Variants in TRIM14 observed in about 807,000 individuals in gnomAD.
The protein encoded by TRIM14 is tripartite motif-containing protein 14.
Under a neutral mutation model 44.5 loss-of-function variants are expected in TRIM14, and 28 were observed. That is an observed-to-expected ratio of 0.63 (90% confidence interval 0.47 to 0.86). The LOEUF is 0.86. Ranked by LOEUF, TRIM14 falls within the 40% of genes least tolerant of loss-of-function variation. TRIM14 has a pLI of 0.00. For missense variants in TRIM14, 607 were observed against 611.1 expected, an observed-to-expected ratio of 0.99 and a Z score of 0.07; for synonymous variants, 299 against 269.2, an observed-to-expected ratio of 1.11 and a Z score of -1.08.
At chr9:98,094,039 C>T (rs1325505447) in intron 4 of TRIM14, among the ~76,000 whole-genome samples, 2 of 152,156 alleles carry the variant, frequency 1.3e-5, no homozygotes, top group East Asian at 1.9e-4. Flanking sequence ...CCACCACGCC[C>T]GGCCTTTATT....
intron 6 of TRIM14, among the ~76,000 whole-genome samples, chr9:98,073,271 C>CTT (rs10606237): frequency 0.013 from 748 of 57,838 alleles, 129 homozygotes; most frequent in East Asian, 0.064. Flanking sequence ...TCACCATGGG[C>CTT]TTTTTTTTTT....
At chr9:98,104,247 T>C (rs1218796302) in intron 2 of TRIM14, among the ~76,000 whole-genome samples, 1 of 152,222 alleles carries the variant, frequency 6.6e-6, no homozygotes. Context: ...TAAAATGTAT[T>C]TCAAACTCTT....
intron 6 of TRIM14, chr9:98,076,024 G>C (rs898341910): frequency 6.6e-6 from 1 of 152,038 alleles, no homozygotes; most frequent in Non-Finnish European, 1.5e-5. Context: ...GCACTAAATA[G>C]GTAACCTCAA....
At chr9:98,098,463 G>A (rs1396270975) in intron 3 of TRIM14, among the ~76,000 whole-genome samples, 6 of 152,078 alleles carry the variant, frequency 3.9e-5, no homozygotes, top group Non-Finnish European at 8.8e-5. Context: ...TGTAATCCCA[G>A]CACTTTGAGG....
At chr9:98,118,920 C>A in intron 1 of TRIM14, 62 bp downstream of exon 1, 1 of 1,425,494 alleles carries the variant, frequency 7.0e-7, no homozygotes, top group Non-Finnish European at 9.1e-7. Flanking sequence ...CCTCCTCGGC[C>A]GTTATGCCTG....
chr9:98,096,166 C>G (rs1008005057), intron 3 of TRIM14, among the ~76,000 whole-genome samples: 4 of 152,128 alleles, frequency 2.6e-5, no homozygotes, highest in Non-Finnish European at 4.4e-5. Context: ...TGGCCTAGCA[C>G]TTGGCTGTTG....
At chr9:98,042,637 C>G in the TRIM14 span, among the ~76,000 whole-genome samples, 1 of 152,024 alleles carries the variant, frequency 6.6e-6, no homozygotes, top group Non-Finnish European at 1.5e-5. Context: ...TTTGGGAGGC[C>G]GAGGAGGGCA....
the TRIM14 span, chr9:98,061,056 C>T: frequency 6.4e-7 from 1 of 1,556,318 alleles, no homozygotes; most frequent in East Asian, 2.3e-5. Flanking sequence ...CAGCAGGCAG[C>T]CTGGTGACTT....
chr9:98,040,404 T>C, the TRIM14 span, among the ~76,000 whole-genome samples: 356 of 152,146 alleles, frequency 2.3e-3, 1 homozygote, highest in South Asian at 9.7e-3. Flanking sequence ...GCTCGGGGCC[T>C]TTGATGTTGT....
the TRIM14 span, among the ~76,000 whole-genome samples, chr9:98,042,261 C>G: frequency 2.1e-5 from 3 of 143,298 alleles, no homozygotes; most frequent in Non-Finnish European, 4.5e-5. Flanking sequence ...TCACTGCACT[C>G]CAGCCCAGGC....
intron 1 of TRIM14, among the ~76,000 whole-genome samples, chr9:98,116,884 T>A (rs1012191573): frequency 6.6e-6 from 1 of 151,632 alleles, no homozygotes; most frequent in African/African-American, 2.4e-5. Flanking sequence ...AAATTCCTTA[T>A]GAAAGTTCCA....
chr9:98,062,992 A>G, the TRIM14 span, among the ~76,000 whole-genome samples: 1 of 151,944 alleles, frequency 6.6e-6, no homozygotes, highest in Non-Finnish European at 1.5e-5. Context: ...GCTGGAGTAC[A>G]GTGGCGTGAT....
chr9:98,047,501 T>A, the TRIM14 span, among the ~76,000 whole-genome samples: 1 of 152,156 alleles, frequency 6.6e-6, no homozygotes, highest in African/African-American at 2.4e-5. Context: ...GAGCCTGTTT[T>A]GGGAAAAACC....
At chr9:98,040,141 G>A in the TRIM14 span, among the ~76,000 whole-genome samples, 1 of 152,088 alleles carries the variant, frequency 6.6e-6, no homozygotes, top group Non-Finnish European at 1.5e-5. Flanking sequence ...ACTGTACCCG[G>A]CATCTCTCTC....
At chr9:98,094,791 T>G in intron 4 of TRIM14, 76 bp downstream of exon 4, 199 of 1,507,708 alleles carry the variant, frequency 1.3e-4, no homozygotes, top group East Asian at 2.3e-4. Flanking sequence ...TGTAGGGAGA[T>G]GATCTTTGCA....
rs1825742476 is a variant in TRIM14, at chr9:98,085,522, G to C, written c.*1948C>G. On this transcript the variant is annotated 3_prime_UTR_variant, in exon 6 of 6. Transcript: ENST00000341469. The stretch of plus-strand genomic sequence containing the variant: ...CCTGCAGCTGTGGGTCTGGGAAGAG[G>C]TCTTGGTCATCAGGGATGGGCAGAA... 6.6e-6 allele frequency: 1 copy of C among 152,264 alleles called. No homozygotes were observed. Among genetic ancestry groups the C allele is most frequent in the Non-Finnish European group, 1.5e-5 (1 of 68,112 alleles). The allele number at this position is 152,264 out of a possible 1,614,324, so 9.4% of individuals were successfully genotyped here. A position where few individuals can be genotyped will look rare whatever the true frequency, so the allele number is the denominator to read the frequency against.
At chr9:98,104,400 A>C (rs1179321262) in intron 2 of TRIM14, among the ~76,000 whole-genome samples, 1 of 152,196 alleles carries the variant, frequency 6.6e-6, no homozygotes, top group African/African-American at 2.4e-5. Flanking sequence ...ATACAAAAGA[A>C]GCTTCACGAC....
chr9:98,070,688 G>A (rs1008490806), intron 6 of TRIM14, among the ~76,000 whole-genome samples: 11 of 152,042 alleles, frequency 7.2e-5, no homozygotes, highest in African/African-American at 2.7e-4. Context: ...CCAAAGTGCT[G>A]GGATTACAGG....
intron 6 of TRIM14, among the ~76,000 whole-genome samples, chr9:98,070,922 C>G (rs1829312493): frequency 1.3e-5 from 2 of 151,866 alleles, no homozygotes; most frequent in African/African-American, 4.8e-5. Context: ...AGCGATCCTC[C>G]CACCTCAGCC....
Sources: allele counts gnomAD v4.1 joint callset (sites outside exome capture counted in the v4.1 genomes callset), GRCh38; gene constraint gnomAD v4.1.1; transcripts MANE v1.5; gene names NCBI Gene and HGNC (gene_info 2026-07-23, HGNC 2026-07-21).